Variants in NTN1 observed in about 807,000 individuals in gnomAD.
NTN1 encodes the protein netrin 1.
NTN1 carries 11 observed loss-of-function variants against 54.2 expected under a neutral mutation model. That is an observed-to-expected ratio of 0.20 (90% CI 0.13 to 0.34). NTN1 has a LOEUF of 0.34. NTN1 is among the 10% of genes least tolerant of loss of function. The probability of loss-of-function intolerance (pLI) is 1.00; values close to 1 mark genes in which losing one functional copy is unlikely to be tolerated. For missense variants in NTN1, 740 were observed against 893.1 expected (o/e 0.83, Z 2.18); for synonymous variants, 371 against 382.0 (o/e 0.97, Z 0.33).
upstream of NTN1, among the ~76,000 whole-genome samples, chr17:9,019,866 GT>G (rs1377846779): frequency 1.6e-4 from 25 of 152,142 alleles, no homozygotes; most frequent in African/African-American, 6.0e-4. Flanking sequence ...ACCCTTGTAA[GT>G]TACCTGAAAT....
intron 5 of NTN1, chr17:9,183,755 T>C (rs1286876263): frequency 5.9e-6 from 1 of 169,958 alleles, no homozygotes; most frequent in East Asian, 1.9e-4. Flanking sequence ...CTGTATATTT[T>C]ATTTTAGCAT....
intron 4 of NTN1, among the ~76,000 whole-genome samples, chr17:9,181,245 C>T (rs1204675552): frequency 6.6e-6 from 1 of 152,184 alleles, no homozygotes; most frequent in African/African-American, 2.4e-5. Context: ...TTTTCGCTTG[C>T]TCTTCCCGAG....
At chr17:9,115,088 C>T (rs967499763) in intron 2 of NTN1, among the ~76,000 whole-genome samples, 1 of 152,220 alleles carries the variant, frequency 6.6e-6, no homozygotes, top group African/African-American at 2.4e-5. Flanking sequence ...GAAAATTCTG[C>T]TCTGTGCAAA....
At chr17:9,098,176 T>G (rs2092138262) in intron 2 of NTN1, among the ~76,000 whole-genome samples, 1 of 152,198 alleles carries the variant, frequency 6.6e-6, no homozygotes. Flanking sequence ...AAATGATCCC[T>G]CCCATGCCCG....
intron 2 of NTN1, among the ~76,000 whole-genome samples, chr17:9,152,345 G>GT (rs2092330220): frequency 6.6e-6 from 1 of 152,102 alleles, no homozygotes; most frequent in African/African-American, 2.4e-5. Context: ...CCCCAAAATA[G>GT]TTTCCTCTGC....
the NTN1 span, among the ~76,000 whole-genome samples, chr17:9,008,522 C>T: frequency 4.0e-5 from 6 of 151,590 alleles, no homozygotes; most frequent in Admixed American, 6.6e-5. Context: ...AGGGTTTCAC[C>T]GTGTTGGCCA....
intron 3 of NTN1, chr17:9,175,327 C>T (rs1364808871): frequency 6.6e-6 from 1 of 152,250 alleles, no homozygotes. Flanking sequence ...CAAACCAAAT[C>T]TCAACAAGAT....
chr17:9,239,983 G>A lies in NTN1; in HGVS notation c.*15G>A. On this transcript the variant is annotated 3_prime_UTR_variant, in exon 7 of 7. Transcript: ENST00000173229. The surrounding 1 kb of genome is among the most constrained non-coding windows in gnomAD (Gnocchi z 5.2). Reference sequence around the variant, plus strand: ...AGAAGGCCTAGCGCCGAGGCAGCGGGCGGGCGGGCGGGCGGGCGCCAGGGC... The same window carrying A: ...AGAAGGCCTAGCGCCGAGGCAGCGGACGGGCGGGCGGGCGGGCGCCAGGGC... 7.8e-7 allele frequency: 1 copy of A among 1,281,674 alleles called. No individual in the cohort carries two copies. Among genetic ancestry groups the A allele is most frequent in the East Asian group, 3.2e-5 (1 of 31,484 alleles). 79.4% of individuals were successfully genotyped at this position (1,281,674 alleles called of 1,614,324 possible).
chr17:9,222,625 G>A (rs1425895323), intron 6 of NTN1, among the ~76,000 whole-genome samples: 1 of 152,156 alleles, frequency 6.6e-6, no homozygotes, highest in African/African-American at 2.4e-5. Flanking sequence ...AAGAAGAGGG[G>A]TGAGAAGCGA....
chr17:9,197,105 T>G (rs553132935), intron 5 of NTN1, among the ~76,000 whole-genome samples: 1 of 152,006 alleles, frequency 6.6e-6, no homozygotes, highest in Admixed American at 6.6e-5. Context: ...CCAAAAGGCA[T>G]CCTGAGAGTG....
At chr17:9,166,073 C>T (rs958529288) in intron 3 of NTN1, among the ~76,000 whole-genome samples, 3 of 151,978 alleles carry the variant, frequency 2.0e-5, no homozygotes, top group Non-Finnish European at 2.9e-5. Flanking sequence ...TAGGAACCAT[C>T]GTTAGGAGAA....
intron 2 of NTN1, among the ~76,000 whole-genome samples, chr17:9,148,136 C>T (rs1035248925): frequency 6.6e-6 from 1 of 152,132 alleles, no homozygotes; most frequent in African/African-American, 2.4e-5. Context: ...ATTGACGGCC[C>T]TGCAGACAGT....
At chr17:9,117,951 A>G (rs1454771644) in intron 2 of NTN1, among the ~76,000 whole-genome samples, 2 of 152,146 alleles carry the variant, frequency 1.3e-5, no homozygotes, top group Non-Finnish European at 2.9e-5. Flanking sequence ...GAAAAGGGAC[A>G]GGTGCCCTAT....
chr17:9,224,134 C>G (rs1397584743), intron 6 of NTN1, among the ~76,000 whole-genome samples: 1 of 152,172 alleles, frequency 6.6e-6, no homozygotes, highest in African/African-American at 2.4e-5. Context: ...TTCTATTTGA[C>G]TCAACCTGGT....
chr17:9,095,725 G>A (rs2092129548), intron 2 of NTN1, among the ~76,000 whole-genome samples: 1 of 152,152 alleles, frequency 6.6e-6, no homozygotes, highest in Non-Finnish European at 1.5e-5. Context: ...TAATTCCTCT[G>A]TGCTTCTGAT....
At chr17:9,090,691 A>G (rs757462311) in intron 2 of NTN1, among the ~76,000 whole-genome samples, 1 of 152,024 alleles carries the variant, frequency 6.6e-6, no homozygotes, top group Non-Finnish European at 1.5e-5. Context: ...CTGCTTGGGT[A>G]CAGAAACCAG....
chr17:9,172,272 C>A (rs887952620), intron 3 of NTN1, among the ~76,000 whole-genome samples: 2 of 151,596 alleles, frequency 1.3e-5, no homozygotes, highest in Non-Finnish European at 2.9e-5. Flanking sequence ...CCGAGGAGGG[C>A]AGATCACGAG....
intron 2 of NTN1, among the ~76,000 whole-genome samples, chr17:9,074,802 G>A (rs2092043913): frequency 6.6e-6 from 1 of 152,202 alleles, no homozygotes; most frequent in Admixed American, 6.5e-5. Flanking sequence ...CAGGTCCAGG[G>A]GCTGAGGAGC....
At chr17:9,110,184 C>A (rs72811928) in intron 2 of NTN1, among the ~76,000 whole-genome samples, 1 of 152,016 alleles carries the variant, frequency 6.6e-6, no homozygotes, top group Non-Finnish European at 1.5e-5. Context: ...GGTGTGTATC[C>A]GTGAGAAAAC....
Sources: gnomAD v4.1 joint callset for allele counts (sites outside exome capture counted in the v4.1 genomes callset) on GRCh38, gnomAD v4.1.1 for gene constraint, Gnocchi (gnomAD v3.1) non-coding constraint, MANE v1.5 for transcripts, NCBI Gene and HGNC (gene_info 2026-07-23, HGNC 2026-07-21) for gene names.